The following THRB variants were observed in gnomAD, a reference collection of about 807,000 sequenced individuals.
THRB encodes the protein thyroid hormone receptor beta.
Under a neutral mutation model 47.8 loss-of-function variants are expected in THRB, and 12 were observed. The ratio of observed to expected loss-of-function variants is 0.25; its 90% CI spans 0.16 to 0.41. THRB has a LOEUF of 0.41. Among genes scored for constraint, THRB ranks in the 10% least tolerant of loss-of-function variants. The pLI is 1.00. For missense variants in THRB, 348 were observed against 589.2 expected, an observed-to-expected ratio of 0.59 and a Z score of 4.24; for synonymous variants, 218 against 212.2, an observed-to-expected ratio of 1.03 and a Z score of -0.24.
chr3:24,464,534 G>C (rs2073977900), intron 1 of THRB, among the ~76,000 whole-genome samples: 1 of 152,072 alleles, frequency 6.6e-6, no homozygotes, highest in African/African-American at 2.4e-5. Flanking sequence ...GATGCTTGTA[G>C]ACAGCATATA....
At chr3:24,344,730 T>C (rs1038599071) in intron 1 of THRB, among the ~76,000 whole-genome samples, 6 of 151,980 alleles carry the variant, frequency 3.9e-5, no homozygotes, top group African/African-American at 1.5e-4. Context: ...CACAAAATAA[T>C]ATTCTTACTC....
chr3:24,236,299 T>G (rs2048870912), intron 3 of THRB, among the ~76,000 whole-genome samples: 1 of 152,174 alleles, frequency 6.6e-6, no homozygotes, highest in African/African-American at 2.4e-5. Flanking sequence ...TTGGGGATCA[T>G]GGACAAGTTC....
intron 2 of THRB, among the ~76,000 whole-genome samples, chr3:24,327,257 A>C (rs2061656484): frequency 6.7e-6 from 1 of 150,350 alleles, no homozygotes; most frequent in African/African-American, 2.4e-5. Context: ...ATGCTCAGGG[A>C]CCCCCCCCAC....
chr3:24,199,257 T>G (rs1015768659), intron 4 of THRB, among the ~76,000 whole-genome samples: 3 of 152,250 alleles, frequency 2.0e-5, no homozygotes, highest in Non-Finnish European at 4.4e-5. Flanking sequence ...TCAACTTTTG[T>G]CCGGTTACAT....
intron 1 of THRB, among the ~76,000 whole-genome samples, chr3:24,426,288 C>G (rs1306300595): frequency 6.6e-6 from 1 of 151,888 alleles, no homozygotes; most frequent in Non-Finnish European, 1.5e-5. Context: ...ACAAATGTCA[C>G]TGGTAGGGAC....
intron 3 of THRB, among the ~76,000 whole-genome samples, chr3:24,271,725 T>C (rs2053351182): frequency 6.6e-6 from 1 of 152,152 alleles, no homozygotes; most frequent in African/African-American, 2.4e-5. Context: ...GTATATACTG[T>C]ATGTCTCAGT....
At chr3:24,277,942 C>G (rs1409862630) in intron 3 of THRB, among the ~76,000 whole-genome samples, 1 of 151,984 alleles carries the variant, frequency 6.6e-6, no homozygotes, top group African/African-American at 2.4e-5. Context: ...ATTCACCTGC[C>G]AATAATTATG....
intron 5 of THRB, among the ~76,000 whole-genome samples, chr3:24,177,351 C>T (rs145905039): frequency 6.6e-6 from 1 of 152,120 alleles, no homozygotes. Flanking sequence ...AGCCTAGACT[C>T]GAAGCTCTGC....
chr3:24,406,106 A>T (rs2067803257), intron 1 of THRB, among the ~76,000 whole-genome samples: 1 of 151,654 alleles, frequency 6.6e-6, no homozygotes, highest in Non-Finnish European at 1.5e-5. Flanking sequence ...TGATTCTTTT[A>T]AATTTTCAGT....
chr3:24,132,056 A>G (rs2033943251), intron 9 of THRB, among the ~76,000 whole-genome samples: 1 of 152,180 alleles, frequency 6.6e-6, no homozygotes, highest in Non-Finnish European at 1.5e-5. Flanking sequence ...ATAATGTCTG[A>G]GGTCTCTGTG....
In THRB at chr3:24,120,870, C is replaced by A. The variant is rs747229498; in HGVS notation, c.*2014G>T. 6 of 152,182 alleles carry A rather than the reference C, an allele frequency of 3.9e-5. No individual in the cohort carries two copies. Among genetic ancestry groups the A allele is most frequent in the Non-Finnish European group, 8.8e-5 (6 of 68,034 alleles). 9.4% of individuals were successfully genotyped at this position (152,182 alleles called of 1,614,324 possible). On this transcript the variant is annotated 3_prime_UTR_variant, in exon 11 of 11. Transcript: ENST00000646209. ...AAGTTCCATAGCAATGTTCTTGTTT[C>A]CTTTTTCCCAGAAGCCAGTACAATT...
At chr3:24,278,433 A>T (rs1173436404) in intron 3 of THRB, among the ~76,000 whole-genome samples, 3 of 152,240 alleles carry the variant, frequency 2.0e-5, no homozygotes, top group Non-Finnish European at 4.4e-5. Context: ...GCCTGGCCCA[A>T]AAGCAGGGGT....
At chr3:24,395,372 A>T (rs758240055) in intron 1 of THRB, among the ~76,000 whole-genome samples, 1 of 152,170 alleles carries the variant, frequency 6.6e-6, no homozygotes, top group Non-Finnish European at 1.5e-5. Flanking sequence ...CATATATCTT[A>T]TAAGAAATCT....
intron 1 of THRB, among the ~76,000 whole-genome samples, chr3:24,451,475 T>G (rs2125535954): frequency 6.6e-6 from 1 of 152,248 alleles, no homozygotes; most frequent in Non-Finnish European, 1.5e-5. Context: ...GACCTCGTGA[T>G]CCACCCGCCT....
chr3:24,201,340 C>G (rs890422092), intron 4 of THRB, among the ~76,000 whole-genome samples: 1 of 152,062 alleles, frequency 6.6e-6, no homozygotes, highest in Non-Finnish European at 1.5e-5. Context: ...CCCCTGCCTC[C>G]TCCATGCTCA....
intron 2 of THRB, among the ~76,000 whole-genome samples, chr3:24,315,563 C>T (rs2058059761): frequency 6.6e-6 from 1 of 152,192 alleles, no homozygotes; most frequent in Admixed American, 6.5e-5. Flanking sequence ...CTGCACTGTG[C>T]CTCCCGGCCT....
intron 3 of THRB, among the ~76,000 whole-genome samples, chr3:24,232,487 C>T (rs7617186): frequency 0.26 from 39,548 of 151,880 alleles, 5,647 homozygotes; most frequent in East Asian, 0.41. Flanking sequence ...TGGAGGTGAC[C>T]CCAGACCTTT....
intron 1 of THRB, among the ~76,000 whole-genome samples, chr3:24,351,099 T>A (rs906098474): frequency 6.6e-6 from 1 of 152,234 alleles, no homozygotes; most frequent in South Asian, 2.1e-4. Flanking sequence ...AGCAGAAATT[T>A]TTTTCTTGTG....
At chr3:24,280,160 C>T (rs145729821) in intron 3 of THRB, among the ~76,000 whole-genome samples, 8,129 of 152,178 alleles carry the variant, frequency 0.053, 686 homozygotes, top group African/African-American at 0.18. Flanking sequence ...GCCTGAGCGA[C>T]GCAGAAGATG....
Sources: gnomAD v4.1 joint callset for allele counts (sites outside exome capture counted in the v4.1 genomes callset) on GRCh38, gnomAD v4.1.1 for gene constraint, MANE v1.5 for transcripts, NCBI Gene and HGNC (gene_info 2026-07-23, HGNC 2026-07-21) for gene names.